The following SYNE3 variants were observed in gnomAD, a reference collection of about 807,000 sequenced individuals.
SYNE3 encodes the protein spectrin repeat containing nuclear envelope family member 3.
In SYNE3, 100 loss-of-function variants were observed where a neutral mutation model predicts 111.2. The ratio of observed to expected loss-of-function variants is 0.90; its 90% CI spans 0.77 to 1.06. The LOEUF (loss-of-function observed/expected upper bound fraction) is 1.06, where lower values mean the gene tolerates loss of function less well. Among genes scored for constraint, SYNE3 ranks in the 50% least tolerant of loss-of-function variants. SYNE3 has a pLI of 0.00. For synonymous variants in SYNE3, 547 were observed against 533.9 expected (o/e 1.02, Z -0.34); for missense variants, 1,160 against 1,240.3 (o/e 0.94, Z 0.97).
chr14:95,490,470 T>C (rs918585307), intron 1 of SYNE3, among the ~76,000 whole-genome samples: 3 of 152,240 alleles, frequency 2.0e-5, no homozygotes, highest in Non-Finnish European at 4.4e-5. Context: ...TGGCCAGCCC[T>C]TTATTACAGA....
Position 95,479,224 on chromosome 14 carries a change from C to CAAAAAAAAAAAAAAAAAAAAAAA in SYNE3, c.-14-3412_-14-3390dup. ...CAGCATAGTGAGACCTCGTCTCTAC[C>CAAAAAAAAAAAAAAAAAAAAAAA]AAAAAAAAAAAAAAAAAAAAAAAAA... On this transcript the variant is annotated intron_variant, in intron 1 of 17. Coordinates refer to ENST00000682763, the MANE Select transcript of SYNE3 (RefSeq NM_152592.6). Among the ~76,000 whole-genome samples the CAAAAAAAAAAAAAAAAAAAAAAA allele has an allele frequency of 3.5e-5, 3 of 86,300 alleles. No individual in the cohort carries two copies. The Admixed American group carries it at 5.1e-4, about 15-fold the overall frequency. 56.6% of individuals were successfully genotyped at this position (86,300 alleles called of 152,430 possible). A position where few individuals can be genotyped will look rare whatever the true frequency, so the allele number is the denominator to read the frequency against.
chr14:95,482,377 T>C (rs1046738322), intron 1 of SYNE3, among the ~76,000 whole-genome samples: 6 of 152,164 alleles, frequency 3.9e-5, no homozygotes, highest in Admixed American at 3.3e-4. Flanking sequence ...GAGGTTGCAC[T>C]GAGAAGAGAT....
intron 8 of SYNE3, among the ~76,000 whole-genome samples, chr14:95,448,349 G>GCCCACTGGACCCTTGGATAGAAAGGC (rs1555405234): frequency 6.6e-6 from 1 of 151,366 alleles, no homozygotes; most frequent in Non-Finnish European, 1.5e-5. Flanking sequence ...GGGAGAAGGG[G>GCCCACTGGACCCTTGGATAGAAAGGC]CCCACTGGAC....
chr14:95,425,861 G>A (rs115224695), intron 17 of SYNE3, among the ~76,000 whole-genome samples: 17 of 152,346 alleles, frequency 1.1e-4, no homozygotes, highest in African/African-American at 3.8e-4. Flanking sequence ...AACATTGAGT[G>A]TTATCAACAC....
intron 2 of SYNE3, among the ~76,000 whole-genome samples, chr14:95,472,674 G>A (rs1157304228): frequency 6.6e-6 from 1 of 152,154 alleles, no homozygotes; most frequent in East Asian, 1.9e-4. Flanking sequence ...TCCTCCTGAG[G>A]TGCCACAGCC....
chr14:95,512,752 G>A lies in SYNE3; in HGVS notation c.-15+3844C>T, dbSNP rs552027070. ...GGGCGCCTGTAGTCCCAGCTACTCG[G>A]GAGGCTGAGGCAGGAGAATGGCGTA... On this transcript the variant is annotated intron_variant, in intron 1 of 17. Coordinates refer to ENST00000682763, the MANE Select transcript of SYNE3 (RefSeq NM_152592.6). 4.6e-5 allele frequency among the ~76,000 whole-genome samples: 7 copies of A among 151,946 alleles called. No homozygotes were observed. In the East Asian group the frequency reaches 1.4e-3, roughly 29 times the overall value.
chr14:95,485,134 T>C lies in SYNE3; in HGVS notation c.-14-9299A>G, dbSNP rs1206280600. 1.3e-5 allele frequency among the ~76,000 whole-genome samples: 2 copies of C among 152,184 alleles called. No homozygotes were observed. The highest frequency in any genetic ancestry group is 3.9e-4 in the East Asian group (2 of 5,194). Reference sequence around the variant, plus strand: ...CTAACCATGGGCGTGAGTGTGTATTTGGCAAATTCATCCACACGGTGGGAG... The same window carrying C: ...CTAACCATGGGCGTGAGTGTGTATTCGGCAAATTCATCCACACGGTGGGAG... On this transcript the variant is annotated intron_variant, in intron 1 of 17. Coordinates refer to ENST00000682763, the MANE Select transcript of SYNE3 (RefSeq NM_152592.6). This position sits in a 1 kb window ranked among gnomAD's most constrained non-coding sequence, Gnocchi z 4.3.
At chr14:95,421,096 A>G (rs149849433) in intron 17 of SYNE3, among the ~76,000 whole-genome samples, 2,784 of 152,148 alleles carry the variant, frequency 0.018, 176 homozygotes, top group East Asian at 0.13. Flanking sequence ...CTTCTGCCAT[A>G]ATTGTGAGGC....
At chr14:95,502,457 C>T (rs1478462990) in intron 1 of SYNE3, among the ~76,000 whole-genome samples, 2 of 152,112 alleles carry the variant, frequency 1.3e-5, no homozygotes, top group Non-Finnish European at 1.5e-5. Flanking sequence ...CCGGCTGGCT[C>T]CTAATCACAG....
intron 3 of SYNE3, among the ~76,000 whole-genome samples, chr14:95,467,380 C>G (rs75245949): frequency 0.027 from 4,171 of 152,206 alleles, 153 homozygotes; most frequent in African/African-American, 0.072. Context: ...AGGAAGTAAC[C>G]AGCAGGACAA....
chr14:95,420,823 C>CT (rs1566953759), intron 17 of SYNE3, among the ~76,000 whole-genome samples: 1 of 151,088 alleles, frequency 6.6e-6, no homozygotes, highest in Non-Finnish European at 1.5e-5. Flanking sequence ...GAAGGGGCTT[C>CT]CTCAGGAAGT....
intron 4 of SYNE3, 94 bp from the exon 5 acceptor site, chr14:95,457,432 G>A (rs1198596300): frequency 1.4e-6 from 2 of 1,443,150 alleles, no homozygotes; most frequent in African/African-American, 2.8e-5. Context: ...GTGTGTGTGT[G>A]TGTGTGTGTG....
rs1395718361 is a variant in SYNE3 at position 95,412,902 on chromosome 14, G to C, written c.*4924C>G. 6.6e-6 allele frequency: 1 copy of C among 152,216 alleles called. No homozygotes were observed. Among genetic ancestry groups the C allele is most frequent in the Non-Finnish European group, 1.5e-5 (1 of 68,060 alleles). 9.4% of individuals were successfully genotyped at this position (152,216 alleles called of 1,614,324 possible). A position where few individuals can be genotyped will look rare whatever the true frequency, so the allele number is the denominator to read the frequency against. On this transcript the variant is annotated 3_prime_UTR_variant, in exon 18 of 18. Transcript: ENST00000682763. Reference sequence around the variant, plus strand: ...ACAATAGAAACCATCAAAGAAGACAGAGCCACCTTTACCTATCCCTCATTT... The same window carrying C: ...ACAATAGAAACCATCAAAGAAGACACAGCCACCTTTACCTATCCCTCATTT...
intron 15 of SYNE3, among the ~76,000 whole-genome samples, chr14:95,435,612 A>AG (rs1359812688): frequency 2.0e-5 from 3 of 151,944 alleles, no homozygotes; most frequent in Non-Finnish European, 4.4e-5. Context: ...GGGAATTAAG[A>AG]GAAAAAAAAA....
intron 1 of SYNE3, among the ~76,000 whole-genome samples, chr14:95,498,513 T>A (rs1411977847): frequency 6.6e-6 from 1 of 152,232 alleles, no homozygotes; most frequent in Non-Finnish European, 1.5e-5. Context: ...GCCACCGCTC[T>A]GGGCCTACAA....
chr14:95,421,480 G>A (rs1308113609), intron 17 of SYNE3, among the ~76,000 whole-genome samples: 10 of 152,286 alleles, frequency 6.6e-5, no homozygotes, highest in East Asian at 1.9e-4. Context: ...ACTCTACCAC[G>A]TCCTAGATGT....
chr14:95,461,334 G>A (rs1351308353), intron 4 of SYNE3, among the ~76,000 whole-genome samples: 2 of 152,216 alleles, frequency 1.3e-5, no homozygotes, highest in African/African-American at 4.8e-5. Context: ...CCATGTGCCT[G>A]CCTTTGGGAA....
chr14:95,491,421 C>T (rs994028586), intron 1 of SYNE3, among the ~76,000 whole-genome samples: 1 of 152,154 alleles, frequency 6.6e-6, no homozygotes, highest in Non-Finnish European at 1.5e-5. Context: ...ACAATCAACC[C>T]TTGTATTTAC....
rs141381311 is a variant in SYNE3 at position 95,418,023 on chromosome 14, G to A, written c.2731C>T (p.Arg911Trp). The change falls in exon 18 of 18, where the codon CGG becomes TGG. Residue 911 changes from arginine (R) to tryptophan (W), a missense_variant. Physicochemically the swap from Arg to Trp is moderately radical, Grantham distance 101 (BLOSUM62 -3). Coordinates refer to ENST00000682763, the MANE Select transcript of SYNE3 (RefSeq NM_152592.6). ...AGGGAGCCCAGTCCTCGCCACCGCCGAGTCTGCGGAACCAACACAGCACAG... is the reference window on the plus strand; with the variant it reads ...AGGGAGCCCAGTCCTCGCCACCGCCAAGTCTGCGGAACCAACACAGCACAG... ...PGEPTGFQKT[R>W]RWRGLGSLFR... 41 of 1,608,316 alleles carry A rather than the reference G, an allele frequency of 2.5e-5. No individual in the cohort carries two copies. The Admixed American group carries it at 3.2e-4, about 12-fold the overall frequency.
Sources: gnomAD v4.1 joint callset for allele counts (sites outside exome capture counted in the v4.1 genomes callset) on GRCh38, gnomAD v4.1.1 for gene constraint, Gnocchi (gnomAD v3.1) non-coding constraint, MANE v1.5 for transcripts, NCBI Gene and HGNC (gene_info 2026-07-23, HGNC 2026-07-21) for gene names.